The following TEC variants were observed in gnomAD, a reference collection of about 807,000 sequenced individuals.
The protein encoded by TEC is tyrosine-protein kinase Tec.
A neutral mutation model predicts 93.0 loss-of-function variants in TEC; 72 were observed. The ratio of observed to expected loss-of-function variants is 0.77; its 90% confidence interval spans 0.64 to 0.94. The LOEUF (loss-of-function observed/expected upper bound fraction) is 0.94, where lower values mean the gene tolerates loss of function less well. Ranked by LOEUF, TEC falls within the 40% of genes least tolerant of loss-of-function variation. The probability of loss-of-function intolerance (pLI) is 0.00; values close to 1 mark genes in which losing one functional copy is unlikely to be tolerated. For missense variants in TEC, 630 were observed against 757.9 expected (o/e 0.83, Z 1.98); for synonymous variants, 249 against 247.7 (o/e 1.01, Z -0.05).
chr4:48,162,809 C>G (rs1226853421), intron 8 of TEC, among the ~76,000 whole-genome samples: 1 of 152,132 alleles, frequency 6.6e-6, no homozygotes, highest in African/African-American at 2.4e-5. Context: ...AATACACCAC[C>G]TCAGAATGAC....
At chr4:48,215,301 G>A (rs1723039229) in intron 2 of TEC, among the ~76,000 whole-genome samples, 1 of 151,400 alleles carries the variant, frequency 6.6e-6, no homozygotes, top group Non-Finnish European at 1.5e-5. Flanking sequence ...GATGTCAGGA[G>A]TTCAAGACCA....
chr4:48,179,645 T>A (rs1721508620), intron 2 of TEC, among the ~76,000 whole-genome samples: 1 of 151,736 alleles, frequency 6.6e-6, no homozygotes, highest in Non-Finnish European at 1.5e-5. Context: ...CACCTCGGCC[T>A]CCCAAAGTGC....
At chr4:48,249,649 A>G (rs144896238) in intron 1 of TEC, among the ~76,000 whole-genome samples, 4 of 152,320 alleles carry the variant, frequency 2.6e-5, no homozygotes, top group African/African-American at 9.6e-5. Flanking sequence ...GGAGATTCCA[A>G]CTTCATCTGA....
At chr4:48,164,075 G>A (rs957278821) in intron 7 of TEC, among the ~76,000 whole-genome samples, 1 of 152,084 alleles carries the variant, frequency 6.6e-6, no homozygotes. Context: ...CCAGCAACAG[G>A]GCCAGAACTC....
At chr4:48,165,241 C>T (rs949099565) in intron 7 of TEC, among the ~76,000 whole-genome samples, 1 of 152,126 alleles carries the variant, frequency 6.6e-6, no homozygotes, top group African/African-American at 2.4e-5. Context: ...CATAATAACA[C>T]TAAAAATAAA....
intron 2 of TEC, 96 bp from the exon 3 acceptor site, chr4:48,176,282 T>C: frequency 1.2e-6 from 1 of 832,130 alleles, no homozygotes; most frequent in East Asian, 2.5e-5. Context: ...TTCAAAATAT[T>C]GCAATTTCTT....
At chr4:48,212,031 G>A (rs1054516128) in intron 2 of TEC, among the ~76,000 whole-genome samples, 1 of 148,176 alleles carries the variant, frequency 6.7e-6, no homozygotes, top group Non-Finnish European at 1.5e-5. Context: ...CCCCGGAGGC[G>A]GAGGCTACAG....
chr4:48,145,190 G>A lies in TEC; in HGVS notation c.1359C>T (p.Phe453=), dbSNP rs1031190368. The A allele has an allele frequency of 6.2e-7, 1 of 1,614,132 alleles. No homozygotes were observed. The highest frequency in any genetic ancestry group is 8.5e-7 in the Non-Finnish European group (1 of 1,180,020). Residue 453 remains phenylalanine, a synonymous_variant, in exon 14 of 18, where the codon TTC becomes TTT. Transcript: ENST00000381501. ...TGAAATGACCTTGTCTCTGTCGGAG[G>A]AAATTCAGAAGGCAGCCCCTTTCCA... ...EFMERGCLLN[F]LRQRQGHFSR...
chr4:48,178,508 T>A (rs1721425060), intron 2 of TEC, among the ~76,000 whole-genome samples: 1 of 152,130 alleles, frequency 6.6e-6, no homozygotes, highest in African/African-American at 2.4e-5. Context: ...ATTTTACAGA[T>A]GAGGAAACTG....
chr4:48,238,376 A>T (rs891865369), intron 1 of TEC, among the ~76,000 whole-genome samples: 22 of 152,330 alleles, frequency 1.4e-4, no homozygotes, highest in African/African-American at 4.1e-4. Flanking sequence ...TGTTGAAGGT[A>T]GACACCTTGA....
intron 1 of TEC, among the ~76,000 whole-genome samples, chr4:48,265,066 G>A (rs1477154596): frequency 6.6e-6 from 1 of 152,012 alleles, no homozygotes; most frequent in Non-Finnish European, 1.5e-5. Context: ...AAAGCCGCTT[G>A]GGAAATTCAA....
At chr4:48,138,325 T>TA (rs778634744) in intron 17 of TEC, among the ~76,000 whole-genome samples, 5 of 152,012 alleles carry the variant, frequency 3.3e-5, no homozygotes, top group South Asian at 2.1e-4. Context: ...CCAACTCTGG[T>TA]AAAAAAATAA....
At chr4:48,149,998 C>G (rs1720093516) in intron 10 of TEC, among the ~76,000 whole-genome samples, 1 of 152,198 alleles carries the variant, frequency 6.6e-6, no homozygotes, top group South Asian at 2.1e-4. Context: ...TTTGTTCCTG[C>G]TGTTGCATAA....
At chr4:48,221,452 G>A (rs574392479) in intron 2 of TEC, among the ~76,000 whole-genome samples, 7 of 152,228 alleles carry the variant, frequency 4.6e-5, no homozygotes, top group Admixed American at 6.5e-5. Context: ...TTCCCCTTCC[G>A]CCAGGATTGT....
In TEC at chr4:48,176,196, G is replaced by GA. The variant is rs1297496955; in HGVS notation, c.139-11dup. On this transcript the variant is annotated splice_polypyrimidine_tract_variant and intron_variant, in intron 2 of 17. Coordinates refer to ENST00000381501, the MANE Select transcript of TEC (RefSeq NM_003215.3). Reference sequence around the variant, plus strand: ...CCTTTCTGTATTTCTTCTGTTAAAAGAAAAAAAGGAGAAACATTAGAATCA... The same window carrying GA: ...CCTTTCTGTATTTCTTCTGTTAAAAGAAAAAAAAGGAGAAACATTAGAATCA... 2 of 1,572,670 alleles carry GA rather than the reference G, an allele frequency of 1.3e-6. No homozygotes were observed. Among genetic ancestry groups the GA allele is most frequent in the Non-Finnish European group, 1.7e-6 (2 of 1,149,070 alleles).
chr4:48,221,950 C>A, intron 2 of TEC, among the ~76,000 whole-genome samples: 1 of 152,116 alleles, frequency 6.6e-6, no homozygotes, highest in Non-Finnish European at 1.5e-5. Context: ...CAGTAGGTAA[C>A]ACAGATATGT....
At chr4:48,233,658 T>A in intron 1 of TEC, among the ~76,000 whole-genome samples, 1 of 148,262 alleles carries the variant, frequency 6.7e-6, no homozygotes, top group African/African-American at 2.5e-5. Context: ...CTCAACAAAA[T>A]CAAAGAATTA....
chr4:48,210,100 C>G (rs554323353), intron 2 of TEC, among the ~76,000 whole-genome samples: 1 of 152,292 alleles, frequency 6.6e-6, no homozygotes, highest in East Asian at 1.9e-4. Flanking sequence ...TGGGGCCCTT[C>G]CAGAGGCCTT....
At chr4:48,208,697 T>G (rs997810109) in intron 2 of TEC, among the ~76,000 whole-genome samples, 2 of 152,206 alleles carry the variant, frequency 1.3e-5, no homozygotes, top group African/African-American at 4.8e-5. Context: ...GCGGCTTTAC[T>G]TTTCTCATGG....
Sources: allele counts gnomAD v4.1 joint callset (sites outside exome capture counted in the v4.1 genomes callset), GRCh38; gene constraint gnomAD v4.1.1; transcripts MANE v1.5; gene names NCBI Gene and HGNC (gene_info 2026-07-23, HGNC 2026-07-21).